The following PDE11A variants were observed in gnomAD, a reference collection of about 807,000 sequenced individuals.
PDE11A encodes dual 3',5'-cyclic-AMP and -GMP phosphodiesterase 11A.
A neutral mutation model predicts 100.5 loss-of-function variants in PDE11A; 100 were observed. The observed-to-expected ratio is 1.00, with a 90% CI of 0.85 to 1.18. The LOEUF (loss-of-function observed/expected upper bound fraction) is 1.18. Among genes scored for constraint, PDE11A ranks in the 50% most tolerant of loss-of-function variants. PDE11A has a pLI of 0.00. For missense variants in PDE11A, 1,141 were observed against 1,152.6 expected (o/e 0.99, Z 0.15); for synonymous variants, 381 against 420.8 (o/e 0.91, Z 1.16).
chr2:178,030,590 A>C (rs2086533036), intron 1 of PDE11A, among the ~76,000 whole-genome samples: 1 of 152,168 alleles, frequency 6.6e-6, no homozygotes, highest in Non-Finnish European at 1.5e-5. Context: ...AAGAAAAAAA[A>C]AAAGGCTGGG....
intron 2 of PDE11A, among the ~76,000 whole-genome samples, chr2:177,912,631 G>T (rs1381066937): frequency 6.6e-6 from 1 of 151,970 alleles, no homozygotes; most frequent in East Asian, 1.9e-4. Context: ...AACCCTGAAG[G>T]AATCTATTGC....
intron 2 of PDE11A, among the ~76,000 whole-genome samples, chr2:177,911,597 A>G (rs1438477789): frequency 1.3e-5 from 2 of 152,210 alleles, no homozygotes; most frequent in Non-Finnish European, 2.9e-5. Flanking sequence ...TAAAAATTGT[A>G]ATGGGGCCAG....
chr2:178,102,365 T>A (rs529551748), intron 2 of PDE11A, among the ~76,000 whole-genome samples: 4 of 151,440 alleles, frequency 2.6e-5, no homozygotes, highest in Admixed American at 2.6e-4. Context: ...GACCTCGTGA[T>A]CTGCCAACCT....
intron 19 of PDE11A, among the ~76,000 whole-genome samples, chr2:177,654,568 G>C (rs2080354613): frequency 6.6e-6 from 1 of 152,084 alleles, no homozygotes; most frequent in African/African-American, 2.4e-5. Context: ...TAGAAACATG[G>C]AAACATATTA....
intron 2 of PDE11A, among the ~76,000 whole-genome samples, chr2:177,992,607 A>G (rs1466476607): frequency 2.0e-5 from 3 of 152,088 alleles, no homozygotes; most frequent in Admixed American, 2.0e-4. Context: ...TTATTCTTAA[A>G]CCCTTGTGTC....
chr2:177,933,356 G>A (rs2085233103), intron 2 of PDE11A, among the ~76,000 whole-genome samples: 1 of 152,024 alleles, frequency 6.6e-6, no homozygotes, highest in South Asian at 2.1e-4. Context: ...CCAAAAAAGA[G>A]CCCAAATAGC....
At chr2:177,936,461 A>G (rs1231692341) in intron 2 of PDE11A, among the ~76,000 whole-genome samples, 2 of 152,340 alleles carry the variant, frequency 1.3e-5, no homozygotes, top group Admixed American at 1.3e-4. Context: ...TAGTTTAAGC[A>G]AAGCGTTTCA....
chr2:177,819,480 T>C (rs894815809), intron 7 of PDE11A, among the ~76,000 whole-genome samples: 3 of 152,082 alleles, frequency 2.0e-5, no homozygotes, highest in Non-Finnish European at 4.4e-5. Flanking sequence ...CCATCCTTCA[T>C]GACTTCTCTA....
chr2:177,940,551 G>T (rs1382044319), intron 2 of PDE11A, among the ~76,000 whole-genome samples: 1 of 152,114 alleles, frequency 6.6e-6, no homozygotes, highest in Non-Finnish European at 1.5e-5. Flanking sequence ...CTTCCTATTT[G>T]TCCATTGCAC....
intron 1 of PDE11A, among the ~76,000 whole-genome samples, chr2:178,020,962 T>C (rs1040659158): frequency 7.9e-5 from 12 of 151,128 alleles, no homozygotes; most frequent in Non-Finnish European, 1.6e-4. Context: ...TGTGTGTGTG[T>C]GTGTGTGTGT....
chr2:177,875,627 C>T (rs917726179), intron 5 of PDE11A, among the ~76,000 whole-genome samples: 1 of 151,930 alleles, frequency 6.6e-6, no homozygotes, highest in Non-Finnish European at 1.5e-5. Context: ...ATGATTCGCC[C>T]GCCTCAGCCT....
chr2:177,738,200 G>A (rs974523637), intron 10 of PDE11A, among the ~76,000 whole-genome samples: 2 of 152,134 alleles, frequency 1.3e-5, no homozygotes, highest in Non-Finnish European at 1.5e-5. Flanking sequence ...CCCTAACCCT[G>A]TGACCCCAAT....
Position 177,676,623 on chromosome 2 carries a change from A to G in PDE11A, c.2424-1105T>C, listed in dbSNP as rs567532559. 9.2e-5 allele frequency among the ~76,000 whole-genome samples: 14 copies of G among 152,370 alleles called. No homozygotes were observed. In the East Asian group the frequency reaches 2.3e-3, roughly 25 times the overall value. On this transcript the variant is annotated intron_variant, in intron 16 of 19. Transcript: ENST00000286063. ...GGCACAACCAGGTGGCACCGGCATC[A>G]GCAGCCCTCTCAACTCGAGCAGCAT...
intron 19 of PDE11A, among the ~76,000 whole-genome samples, chr2:177,641,233 GAA>G (rs2080136988): frequency 6.6e-6 from 1 of 152,086 alleles, no homozygotes; most frequent in African/African-American, 2.4e-5. Context: ...GACCCTATCA[GAA>G]AAGAGTATTG....
At chr2:178,041,254 T>C (rs2086679632) in intron 1 of PDE11A, among the ~76,000 whole-genome samples, 1 of 150,728 alleles carries the variant, frequency 6.6e-6, no homozygotes, top group Non-Finnish European at 1.5e-5. Context: ...AATTTTTTTT[T>C]TTTTTTTGAG....
intron 2 of PDE11A, among the ~76,000 whole-genome samples, chr2:177,945,909 C>T (rs1380821192): frequency 1.1e-4 from 16 of 143,378 alleles, no homozygotes; most frequent in African/African-American, 3.8e-4. Context: ...CCAGCCGCCC[C>T]GTCCGGGAGG....
chr2:178,071,875 G>A lies in PDE11A; in HGVS notation c.563C>T (p.Thr188Ile), dbSNP rs1364144029. 2 of 1,613,918 alleles carry A rather than the reference G, an allele frequency of 1.2e-6. No individual in the cohort carries two copies. ...SRVNLPRYPP[T>I]AIDYKCHLKK... ...CAGATGGCACTTGTAGTCGATGGCT[G>A]TAGGGGGATACCGAGGCAGATTCAC... Residue 188 changes from threonine to isoleucine, a missense_variant, in exon 1 of 20, where the codon ACA (threonine) becomes ATA (isoleucine). By Grantham distance (89) the Thr-to-Ile change is moderately conservative. Transcript: ENST00000286063.
chr2:178,062,662 A>G (rs2086987765), intron 1 of PDE11A, among the ~76,000 whole-genome samples: 1 of 152,198 alleles, frequency 6.6e-6, no homozygotes, highest in Non-Finnish European at 1.5e-5. Flanking sequence ...GTTGCCAAAT[A>G]CCCATAAAAA....
At chr2:177,992,323 G>T (rs1388490412) in intron 2 of PDE11A, among the ~76,000 whole-genome samples, 1 of 151,304 alleles carries the variant, frequency 6.6e-6, no homozygotes, top group Non-Finnish European at 1.5e-5. Context: ...AATAAAAATT[G>T]CCCAGAAATC....
Sources: gnomAD v4.1 joint callset for allele counts (sites outside exome capture counted in the v4.1 genomes callset) on GRCh38, gnomAD v4.1.1 for gene constraint, MANE v1.5 for transcripts, NCBI Gene and HGNC (gene_info 2026-07-23, HGNC 2026-07-21) for gene names.